NEIL3: variants seen among roughly 807,000 people sequenced by gnomAD.
The protein encoded by NEIL3 is nei like DNA glycosylase 3, also known as endonuclease 8-like 3.
In NEIL3, 48 loss-of-function variants were observed where a neutral mutation model predicts 57.5. That is an observed-to-expected ratio of 0.83 (90% CI 0.66 to 1.06). The LOEUF is 1.06. Among genes scored for constraint, NEIL3 ranks in the 50% least tolerant of loss-of-function variants. The probability of loss-of-function intolerance (pLI) is 0.00; values close to 1 mark genes in which losing one functional copy is unlikely to be tolerated. For synonymous variants in NEIL3, 261 were observed against 253.2 expected (o/e 1.03, Z -0.29); for missense variants, 717 against 739.1 (o/e 0.97, Z 0.35).
At chr4:177,366,706 C>G (rs1055144771), downstream of NEIL3, among the ~76,000 whole-genome samples, 26 of 152,166 alleles carry the variant, frequency 1.7e-4, no homozygotes, top group Non-Finnish European at 2.1e-4. Context: ...GCCTCCAATA[C>G]TTTTTCAATC....
chr4:177,361,784 T>A (rs1179436156), intron 9 of NEIL3, among the ~76,000 whole-genome samples: 1 of 152,094 alleles, frequency 6.6e-6, no homozygotes, highest in Non-Finnish European at 1.5e-5. Context: ...TTACAGGGTT[T>A]TTTTTGTTGT....
intron 7 of NEIL3, among the ~76,000 whole-genome samples, chr4:177,352,098 CAG>C (rs1212752335): frequency 6.6e-6 from 1 of 152,246 alleles, no homozygotes; most frequent in East Asian, 1.9e-4. Flanking sequence ...TGTAAAACCT[CAG>C]AGGAAACCTG....
chr4:177,324,997 A>AT lies in NEIL3; in HGVS notation c.278+2422dup, dbSNP rs938235514. ...GATAGATAGATAGATAAGTAAATAT[A>AT]TTTTTCCAAGACCATTTTCTGTTTC... is the stretch of plus-strand genomic sequence containing the variant. On this transcript the variant is annotated intron_variant, in intron 2 of 9. Transcript: ENST00000264596. 2.1e-5 allele frequency among the ~76,000 whole-genome samples: 3 copies of AT among 144,676 alleles called. No homozygotes were observed. In the Admixed American group the frequency reaches 2.1e-4, roughly 10 times the overall value. 94.9% of individuals were successfully genotyped at this position (144,676 alleles called of 152,430 possible). A position where few individuals can be genotyped will look rare whatever the true frequency, so the allele number is the denominator to read the frequency against.
chr4:177,320,717 T>C (rs1346322284), intron 1 of NEIL3, among the ~76,000 whole-genome samples: 1 of 151,818 alleles, frequency 6.6e-6, no homozygotes, highest in South Asian at 2.1e-4. Context: ...TCCGCCCGCC[T>C]CGACCTCCCA....
At chr4:177,334,333 T>TA (rs1434849978) in intron 2 of NEIL3, among the ~76,000 whole-genome samples, 3 of 152,086 alleles carry the variant, frequency 2.0e-5, no homozygotes, top group Non-Finnish European at 4.4e-5. Context: ...AATAAAAATT[T>TA]AAAAAAACAT....
chr4:177,359,989 G>T (rs1164275325), intron 8 of NEIL3, among the ~76,000 whole-genome samples: 1 of 152,190 alleles, frequency 6.6e-6, no homozygotes, highest in Non-Finnish European at 1.5e-5. Context: ...CTTGATCAAA[G>T]AAAAGCATAG....
rs2110932596 is a variant in NEIL3 at position 177,353,618 on chromosome 4, A to T, written c.1350A>T (p.Ser450=). ...AACCATCCAGCAAAGTAAACATATCACCTACAATCAGTTCAGAATCTAAAT... is the reference window on the plus strand; with the variant it reads ...AACCATCCAGCAAAGTAAACATATCTCCTACAATCAGTTCAGAATCTAAAT... ...ITQPSSKVNI[S]PTISSESKLF... The change falls in exon 8 of 10, where the codon TCA becomes TCT. Residue 450 remains serine (S), a synonymous_variant. Transcript: ENST00000264596. 1 of 1,613,716 alleles carries T rather than the reference A, an allele frequency of 6.2e-7. No individual in the cohort carries two copies. The highest frequency in any genetic ancestry group is 2.2e-5 in the East Asian group (1 of 44,866).
intron 1 of NEIL3, among the ~76,000 whole-genome samples, chr4:177,318,075 G>A (rs973620882): frequency 6.6e-6 from 1 of 152,148 alleles, no homozygotes; most frequent in Non-Finnish European, 1.5e-5. Context: ...TTCATAAACT[G>A]TACATGGAAC....
chr4:177,314,668 G>GTAGAA (rs764103670), intron 1 of NEIL3, among the ~76,000 whole-genome samples: 16 of 152,122 alleles, frequency 1.1e-4, no homozygotes, highest in African/African-American at 2.4e-5. Context: ...TTAGAAAATT[G>GTAGAA]TAGAATATGT....
Position 177,310,087 on chromosome 4 carries a change from C to T in NEIL3, c.134C>T (p.Ser45Phe), listed in dbSNP as rs1463705986. 6.3e-7 allele frequency: 1 copy of T among 1,594,318 alleles called. No homozygotes were observed. Among genetic ancestry groups the T allele is most frequent in the Non-Finnish European group, 8.5e-7 (1 of 1,171,978 alleles). Reference protein sequence around the residue: ...LQGRALRLAASTVVVSPQAAA... With the variant: ...LQGRALRLAAFTVVVSPQAAA... ...GGCCGCGCCTTGCGGCTCGCAGCCT[C>T]CACGGTTGTGGTCTCCCCGCAGGTG... Residue 45 changes from serine to phenylalanine, a missense_variant, in exon 1 of 10, where the codon TCC becomes TTC. By Grantham distance (155) the Ser-to-Phe change is radical (BLOSUM62 -2). Transcript: ENST00000264596.
chr4:177,320,153 G>C (rs1734650824), intron 1 of NEIL3, among the ~76,000 whole-genome samples: 1 of 152,044 alleles, frequency 6.6e-6, no homozygotes, highest in Admixed American at 6.6e-5. Context: ...ACCCACTATT[G>C]TAATCTATAC....
rs1045971402 is a variant in NEIL3 at position 177,347,011 on chromosome 4, A to G, written c.870-4369A>G. On this transcript the variant is annotated intron_variant, in intron 6 of 9. Transcript: ENST00000264596. ...AGCGAGACTCCGTCTCAAAAAAAAA[A>G]AAAAAGAAAAAGAAAAAACCTATCT... Among the ~76,000 whole-genome samples the G allele has an allele frequency of 4.6e-5, 7 of 152,070 alleles. No homozygotes were observed. In the South Asian group the frequency reaches 1.2e-3, roughly 27 times the overall value.
At chr4:177,358,286 G>C (rs1374885738) in intron 8 of NEIL3, among the ~76,000 whole-genome samples, 1 of 152,016 alleles carries the variant, frequency 6.6e-6, no homozygotes, top group Non-Finnish European at 1.5e-5. Flanking sequence ...GATCACACGT[G>C]GCTATGTTTT....
At chr4:177,351,905 A>C (rs1004465527) in intron 7 of NEIL3, among the ~76,000 whole-genome samples, 13 of 152,206 alleles carry the variant, frequency 8.5e-5, no homozygotes, top group Admixed American at 8.5e-4. Flanking sequence ...GTGTTGCATA[A>C]ATTGAAAGGG....
the NEIL3 span, among the ~76,000 whole-genome samples, chr4:177,369,280 T>C: frequency 6.6e-6 from 1 of 152,172 alleles, no homozygotes; most frequent in Admixed American, 6.5e-5. Context: ...GAAGGGCATT[T>C]TAGGCAGCAG....
the NEIL3 span, among the ~76,000 whole-genome samples, chr4:177,370,630 G>T: frequency 6.6e-6 from 1 of 152,234 alleles, no homozygotes; most frequent in Non-Finnish European, 1.5e-5. Flanking sequence ...GCTGGGTGCA[G>T]TGGCTCATGC....
At chr4:177,314,986 G>T (rs1383167822) in intron 1 of NEIL3, among the ~76,000 whole-genome samples, 1 of 150,740 alleles carries the variant, frequency 6.6e-6, no homozygotes, top group Non-Finnish European at 1.5e-5. Context: ...GGAGAATGGC[G>T]TGAACCCAGG....
intron 8 of NEIL3, among the ~76,000 whole-genome samples, chr4:177,359,436 C>T (rs1735561253): frequency 6.6e-6 from 1 of 151,890 alleles, no homozygotes; most frequent in Admixed American, 6.6e-5. Context: ...CTGAACATTT[C>T]AATTAGATAT....
At chr4:177,360,703 C>A in intron 9 of NEIL3, 26 bp downstream of exon 9, 1 of 1,529,090 alleles carries the variant, frequency 6.5e-7, no homozygotes, top group Non-Finnish European at 8.9e-7. Flanking sequence ...ATCTAGCTTA[C>A]TAAAATGTAA....
Sources: allele counts gnomAD v4.1 joint callset (sites outside exome capture counted in the v4.1 genomes callset), GRCh38; gene constraint gnomAD v4.1.1; transcripts MANE v1.5; gene names NCBI Gene and HGNC (gene_info 2026-07-23, HGNC 2026-07-21).